The following PLEKHM1 variants were observed in gnomAD, a reference collection of about 807,000 sequenced individuals.
PLEKHM1 encodes pleckstrin homology and RUN domain containing M1.
A neutral mutation model predicts 94.3 loss-of-function variants in PLEKHM1; 28 were observed. That is an observed-to-expected ratio of 0.30 (90% CI 0.22 to 0.41). PLEKHM1 has a LOEUF of 0.41. Among genes scored for constraint, PLEKHM1 ranks in the 10% least tolerant of loss-of-function variants. The probability of loss-of-function intolerance (pLI) is 1.00; values close to 1 mark genes in which losing one functional copy is unlikely to be tolerated. For synonymous variants in PLEKHM1, 424 were observed against 581.2 expected (o/e 0.73, Z 3.89); for missense variants, 907 against 1,358.6 (o/e 0.67, Z 5.22).
Position 45,471,367 on chromosome 17 carries a change from C to G in PLEKHM1, c.924-2774G>C, listed in dbSNP as rs71373585. ...GGGTGGGGGATGTAAAATGATGCAA[C>G]TACTGCAGAAAACAATTTGGTAGTT... On this transcript the variant is annotated intron_variant, in intron 4 of 11. Coordinates refer to ENST00000430334, the MANE Select transcript of PLEKHM1 (RefSeq NM_014798.3). 4.0e-3 allele frequency among the ~76,000 whole-genome samples: 571 copies of G among 142,158 alleles called. 5 individuals carry two copies. Among genetic ancestry groups the G allele is most frequent in the African/African-American group, 0.015 (541 of 37,008 alleles). 93.3% of individuals were successfully genotyped at this position (142,158 alleles called of 152,430 possible).
chr17:45,439,372 A>G, intron 11 of PLEKHM1, 105 bp downstream of exon 11: 1 of 1,297,264 alleles, frequency 7.7e-7, no homozygotes, highest in East Asian at 2.3e-5. Flanking sequence ...ATGTTCAATA[A>G]GTTCCTGCCC....
intron 5 of PLEKHM1, among the ~76,000 whole-genome samples, chr17:45,462,866 G>A (rs2051194869): frequency 6.6e-6 from 1 of 152,118 alleles, no homozygotes; most frequent in Admixed American, 6.5e-5. Flanking sequence ...AAAATTGCTT[G>A]AGGCCAGAAG....
Position 45,439,512 on chromosome 17 carries a change from G to A in PLEKHM1, c.3024C>T (p.Asp1008=). Residue 1008 remains aspartate, a synonymous_variant, in exon 11 of 12, where the codon GAC becomes GAT. Transcript: ENST00000430334. ...TGTCAAACTCAAAGGGGAAGATGAT[G>A]TCGTGGTGCTGGCAGATCTGGCAGA... The part of the protein sequence containing the change: ...GFICQICQHH[D]IIFPFEFDTT... 2 of 1,614,258 alleles carry A rather than the reference G, an allele frequency of 1.2e-6. No individual in the cohort carries two copies. Among genetic ancestry groups the A allele is most frequent in the Non-Finnish European group, 8.5e-7 (1 of 1,180,040 alleles).
intron 1 of PLEKHM1, among the ~76,000 whole-genome samples, chr17:45,488,881 G>A (rs1303544858): frequency 1.3e-5 from 2 of 152,182 alleles, no homozygotes; most frequent in African/African-American, 4.8e-5. Context: ...AGAGGTTGCG[G>A]TGAGCCGAGA....
At chr17:45,489,187 C>T (rs1315226294) in intron 1 of PLEKHM1, among the ~76,000 whole-genome samples, 2 of 152,166 alleles carry the variant, frequency 1.3e-5, no homozygotes, top group Non-Finnish European at 1.5e-5. Context: ...GAAAGCGATT[C>T]AAGAGCCTCT....
In PLEKHM1 at chr17:45,473,708, G is replaced by C. The variant is rs561344393; in HGVS notation, c.923+1392C>G. 3.3e-5 allele frequency among the ~76,000 whole-genome samples: 5 copies of C among 151,918 alleles called. No individual in the cohort carries two copies. In the South Asian group the frequency reaches 1.0e-3, roughly 32 times the overall value. On this transcript the variant is annotated intron_variant, in intron 4 of 11. Coordinates refer to ENST00000430334, the MANE Select transcript of PLEKHM1 (RefSeq NM_014798.3). The stretch of plus-strand genomic sequence containing the variant: ...TGAGTAGCTGGGACTTCAGGCGCCC[G>C]CCACCACGCCCGGCTAATTTTTTGT...
intron 5 of PLEKHM1, chr17:45,463,930 C>T (rs1479877047): frequency 2.0e-5 from 3 of 152,154 alleles, no homozygotes; most frequent in Non-Finnish European, 4.4e-5. Context: ...AGGAGTGAGA[C>T]GAAGGTCTCT....
intron 9 of PLEKHM1, among the ~76,000 whole-genome samples, chr17:45,443,850 G>A (rs2050522408): frequency 6.6e-6 from 1 of 152,124 alleles, no homozygotes; most frequent in Non-Finnish European, 1.5e-5. Context: ...CCAAGAGGTG[G>A]AGACCCAGTC....
Position 45,475,495 on chromosome 17 carries a change from G to A in PLEKHM1, c.528C>T (p.Phe176=), listed in dbSNP as rs138787527. ...SFLQGLTSLS[F]ELSYKSAILN... Reference sequence around the variant, plus strand: ...AGATGGCAGACTTGTAGGAGAGTTCGAAGGACAAGGACGTGAGGCCCTGCA... The same window carrying A: ...AGATGGCAGACTTGTAGGAGAGTTCAAAGGACAAGGACGTGAGGCCCTGCA... The change falls in exon 4 of 12, where the codon TTC becomes TTT. Residue 176 remains phenylalanine (F), a synonymous_variant. Coordinates refer to ENST00000430334, the MANE Select transcript of PLEKHM1 (RefSeq NM_014798.3). 1.6e-5 allele frequency: 25 copies of A among 1,612,208 alleles called. No individual in the cohort carries two copies. The highest frequency in any genetic ancestry group is 5.3e-5 in the African/African-American group (4 of 74,994).
chr17:45,486,893 T>A (rs894084584), intron 1 of PLEKHM1, among the ~76,000 whole-genome samples: 2 of 152,110 alleles, frequency 1.3e-5, no homozygotes, highest in African/African-American at 4.8e-5. Flanking sequence ...AGGCTTTGTG[T>A]CTCTTGACTG....
At chr17:45,457,718 CCATCT>C (rs2145235882) in intron 6 of PLEKHM1, among the ~76,000 whole-genome samples, 1 of 152,268 alleles carries the variant, frequency 6.6e-6, no homozygotes, top group African/African-American at 2.4e-5. Flanking sequence ...AAGGGAGACT[CCATCT>C]CAAAACAAAC....
chr17:45,454,685 T>G, intron 6 of PLEKHM1: 2 of 369,666 alleles, frequency 5.4e-6, no homozygotes, highest in Non-Finnish European at 1.0e-5. Context: ...CACTGCTTTC[T>G]TCCTTCTCTA....
At chr17:45,443,285 C>T (rs2050502653) in intron 9 of PLEKHM1, among the ~76,000 whole-genome samples, 2 of 151,742 alleles carry the variant, frequency 1.3e-5, no homozygotes. Flanking sequence ...ATCTGTGGCC[C>T]AGACTCTGGG....
At chr17:45,464,055 C>T (rs1471912132) in intron 5 of PLEKHM1, 1 of 152,154 alleles carries the variant, frequency 6.6e-6, no homozygotes, top group East Asian at 1.9e-4. Flanking sequence ...GCAGGTGGTC[C>T]ATGGGGGCAG....
chr17:45,440,121 G>C, intron 10 of PLEKHM1, 42 bp downstream of exon 10: 1 of 1,566,246 alleles, frequency 6.4e-7, no homozygotes, highest in Non-Finnish European at 8.8e-7. Flanking sequence ...TGGGAATGAA[G>C]TCTCTCTAGA....
intron 4 of PLEKHM1, among the ~76,000 whole-genome samples, chr17:45,470,193 G>C (rs568559007): frequency 6.6e-6 from 1 of 152,192 alleles, no homozygotes; most frequent in Non-Finnish European, 1.5e-5. Flanking sequence ...AAAAAAGCTG[G>C]ACTGCTATCT....
At chr17:45,473,558 C>G (rs2051588283) in intron 4 of PLEKHM1, among the ~76,000 whole-genome samples, 2 of 150,598 alleles carry the variant, frequency 1.3e-5, no homozygotes, top group East Asian at 3.9e-4. Flanking sequence ...TTTTAAAAAT[C>G]TTTTATTTTT....
At position 45,476,691 on chromosome 17, in the gene PLEKHM1, C is replaced by G. The variant is rs561790806; in HGVS notation, c.297-965G>C. Among the ~76,000 whole-genome samples, 361 of 152,194 alleles carry G rather than the reference C, an allele frequency of 2.4e-3. 1 individual carries two copies. Among genetic ancestry groups the G allele is most frequent in the African/African-American group, 8.1e-3 (335 of 41,516 alleles). ...TTTGTTTAGAAAAGTGACTTGACCA[C>G]AGTCATGCAGACTGCAGGGTAGATG... is the stretch of plus-strand genomic sequence containing the variant. On this transcript the variant is annotated intron_variant, in intron 3 of 11. Transcript: ENST00000430334.
chr17:45,450,122 C>T (rs944817170), intron 8 of PLEKHM1, among the ~76,000 whole-genome samples: 1 of 149,576 alleles, frequency 6.7e-6, no homozygotes, highest in Admixed American at 6.7e-5. Flanking sequence ...TCCACCTAGC[C>T]GCCTGCTCAT....
Sources: allele counts gnomAD v4.1 joint callset (sites outside exome capture counted in the v4.1 genomes callset), GRCh38; gene constraint gnomAD v4.1.1; transcripts MANE v1.5; gene names NCBI Gene and HGNC (gene_info 2026-07-23, HGNC 2026-07-21).